ABAT: variants seen among roughly 807,000 people sequenced by gnomAD.
ABAT encodes 4-aminobutyrate aminotransferase, also known as 4-aminobutyrate aminotransferase, mitochondrial.
ABAT carries 45 observed loss-of-function variants against 64.6 expected under a neutral mutation model. The observed-to-expected ratio is 0.70, with a 90% CI of 0.55 to 0.89. ABAT has a LOEUF of 0.89. ABAT is among the 40% of genes least tolerant of loss of function. The pLI, the probability that ABAT is intolerant of heterozygous loss-of-function variation, is 0.00. For missense variants in ABAT, 633 were observed against 658.4 expected (o/e 0.96, Z 0.42); for synonymous variants, 297 against 250.5 (o/e 1.19, Z -1.75).
At chr16:8,769,587 A>AGG (rs2060045805) in intron 11 of ABAT, among the ~76,000 whole-genome samples, 2 of 147,276 alleles carry the variant, frequency 1.4e-5, no homozygotes, top group African/African-American at 5.0e-5. Flanking sequence ...AAAGAGAGAG[A>AGG]GAGAAAGAAA....
intron 9 of ABAT, 104 bp from the exon 10 acceptor site, chr16:8,768,089 G>A (rs571211679): frequency 8.7e-6 from 11 of 1,263,542 alleles, no homozygotes; most frequent in Non-Finnish European, 1.2e-5. Context: ...AAGGATTCCT[G>A]GTTCTTCTGA....
intron 12 of ABAT, among the ~76,000 whole-genome samples, chr16:8,773,158 A>ATTTTTTTT (rs57095363): frequency 2.0e-4 from 25 of 126,988 alleles, no homozygotes; most frequent in African/African-American, 7.5e-4. Flanking sequence ...ATATATATAT[A>ATTTTTTTT]TTTTTTTTTT....
chr16:8,699,488 T>A (rs1025075345), intron 1 of ABAT, among the ~76,000 whole-genome samples: 12 of 151,972 alleles, frequency 7.9e-5, no homozygotes, highest in African/African-American at 2.9e-4. Context: ...AACCTGGGAA[T>A]CAGAGGTTGC....
intron 2 of ABAT, among the ~76,000 whole-genome samples, chr16:8,740,424 C>G (rs998594878): frequency 6.6e-6 from 1 of 152,126 alleles, no homozygotes; most frequent in African/African-American, 2.4e-5. Context: ...TACTGGCAGT[C>G]CCACTTACGG....
intron 1 of ABAT, among the ~76,000 whole-genome samples, chr16:8,715,918 C>G (rs368792222): frequency 2.0e-5 from 3 of 152,118 alleles, no homozygotes; most frequent in African/African-American, 7.2e-5. Context: ...ATGTCCACAA[C>G]TAACTCAAAT....
At chr16:8,691,999 A>C (rs1483134406) in intron 1 of ABAT, among the ~76,000 whole-genome samples, 1 of 152,220 alleles carries the variant, frequency 6.6e-6, no homozygotes, top group Non-Finnish European at 1.5e-5. Flanking sequence ...ACCTGTTTTC[A>C]GTACCTTGTC....
chr16:8,755,264 T>G (rs1273423), intron 5 of ABAT, among the ~76,000 whole-genome samples: 141,604 of 152,066 alleles, frequency 0.93, 66,590 homozygotes, highest in East Asian at 1. Context: ...GACAGGGAGG[T>G]CCAGGTGCAA....
intron 5 of ABAT, among the ~76,000 whole-genome samples, chr16:8,752,137 C>T (rs1182228436): frequency 6.6e-6 from 1 of 152,242 alleles, no homozygotes; most frequent in African/African-American, 2.4e-5. Context: ...CCTCTTCTTC[C>T]CCTGCTCATT....
rs1275767227 is a variant in ABAT, at chr16:8,764,056, T to C, written c.367-13T>C. On this transcript the variant is annotated splice_polypyrimidine_tract_variant and intron_variant, in intron 6 of 15. Coordinates refer to ENST00000268251, the MANE Select transcript of ABAT (RefSeq NM_020686.6). The surrounding 1 kb of genome is among the most constrained non-coding windows in gnomAD (Gnocchi z 4.2). ...CCCCCAGAAGTCACCATTTGTCTCTTGCCCTTTTGCAGAGCATGTTTGTCA... is the reference window on the plus strand; with the variant it reads ...CCCCCAGAAGTCACCATTTGTCTCTCGCCCTTTTGCAGAGCATGTTTGTCA... 1 of 1,613,536 alleles carries C rather than the reference T, an allele frequency of 6.2e-7. No individual in the cohort carries two copies. The highest frequency in any genetic ancestry group is 8.5e-7 in the Non-Finnish European group (1 of 1,179,674).
intron 4 of ABAT, among the ~76,000 whole-genome samples, chr16:8,750,003 C>G (rs2059433161): frequency 6.6e-6 from 1 of 152,252 alleles, no homozygotes; most frequent in African/African-American, 2.4e-5. Flanking sequence ...GCATGAGGCA[C>G]TGCACTCAGC....
chr16:8,728,395 G>A (rs1481405593), intron 1 of ABAT, among the ~76,000 whole-genome samples: 1 of 152,172 alleles, frequency 6.6e-6, no homozygotes, highest in Admixed American at 6.5e-5. Flanking sequence ...GAGACATTCG[G>A]AGTTTCAAAA....
At chr16:8,711,245 A>G (rs1475960865) in intron 1 of ABAT, among the ~76,000 whole-genome samples, 1 of 152,202 alleles carries the variant, frequency 6.6e-6, no homozygotes, top group Non-Finnish European at 1.5e-5. Flanking sequence ...CAAATATTTC[A>G]TGATAAAAAT....
chr16:8,736,681 G>C (rs1731088), intron 2 of ABAT: 151,468 of 152,406 alleles, frequency 0.99, 75,273 homozygotes, highest in Middle Eastern at 1. Context: ...TCTGTTTGAC[G>C]TCTTTGAGAC....
chr16:8,677,685 T>C (rs1362391351), intron 1 of ABAT, among the ~76,000 whole-genome samples: 1 of 152,166 alleles, frequency 6.6e-6, no homozygotes, highest in Non-Finnish European at 1.5e-5. Flanking sequence ...GTCATGTCCA[T>C]CAGAAATGTC....
intron 1 of ABAT, among the ~76,000 whole-genome samples, chr16:8,732,835 C>A (rs2142342777): frequency 6.7e-6 from 1 of 149,242 alleles, no homozygotes; most frequent in East Asian, 2.0e-4. Context: ...GACGGGGCGG[C>A]TGGCCGGGCA....
intron 1 of ABAT, chr16:8,714,877 TTGC>T (rs2058168350): frequency 6.6e-6 from 1 of 152,620 alleles, no homozygotes. Context: ...CTCAGACACA[TTGC>T]TGCTGCCTGC....
chr16:8,687,261 C>T (rs1347286723), intron 1 of ABAT, among the ~76,000 whole-genome samples: 2 of 152,092 alleles, frequency 1.3e-5, no homozygotes, highest in Admixed American at 1.3e-4. Context: ...AGCTGAGCTC[C>T]GGTCTGTAAT....
intron 1 of ABAT, among the ~76,000 whole-genome samples, chr16:8,686,101 C>G (rs544856048): frequency 1.3e-5 from 2 of 152,336 alleles, no homozygotes; most frequent in Non-Finnish European, 2.9e-5. Flanking sequence ...GAGCAAGGCA[C>G]CACCCCGGCA....
intron 1 of ABAT, among the ~76,000 whole-genome samples, chr16:8,698,518 G>A (rs1376250176): frequency 2.0e-5 from 3 of 152,122 alleles, no homozygotes; most frequent in Non-Finnish European, 4.4e-5. Context: ...ATGTTTAGTA[G>A]AGATGGGGTT....
Sources: allele counts gnomAD v4.1 joint callset (sites outside exome capture counted in the v4.1 genomes callset), GRCh38; gene constraint gnomAD v4.1.1; non-coding constraint Gnocchi (gnomAD v3.1); transcripts MANE v1.5; gene names NCBI Gene and HGNC (gene_info 2026-07-23, HGNC 2026-07-21).